WDFY2: variants seen among roughly 807,000 people sequenced by gnomAD.
The protein encoded by WDFY2 is WD repeat and FYVE domain-containing protein 2.
WDFY2 carries 36 observed loss-of-function variants against 56.4 expected under a neutral mutation model. The ratio of observed to expected loss-of-function variants is 0.64; its 90% confidence interval spans 0.49 to 0.84. The LOEUF (loss-of-function observed/expected upper bound fraction) is 0.84, where lower values mean the gene tolerates loss of function less well. Ranked by LOEUF, WDFY2 falls within the 40% of genes least tolerant of loss-of-function variation. WDFY2 has a pLI of 0.00. For synonymous variants in WDFY2, 176 were observed against 183.7 expected (o/e 0.96, Z 0.34); for missense variants, 444 against 512.2 (o/e 0.87, Z 1.29).
chr13:51,701,539 A>G (rs527434034), intron 3 of WDFY2, among the ~76,000 whole-genome samples: 4 of 150,630 alleles, frequency 2.7e-5, no homozygotes, highest in Admixed American at 1.3e-4. Context: ...AAAAAAAAAA[A>G]GTAATAACAA....
chr13:51,627,310 G>A (rs1375942075), intron 1 of WDFY2, among the ~76,000 whole-genome samples: 1 of 152,142 alleles, frequency 6.6e-6, no homozygotes, highest in South Asian at 2.1e-4. Flanking sequence ...AGGGGGACAT[G>A]TTTCAGCCCT....
intron 2 of WDFY2, among the ~76,000 whole-genome samples, chr13:51,661,907 G>A (rs569418080): frequency 6.6e-6 from 1 of 152,074 alleles, no homozygotes; most frequent in Admixed American, 6.5e-5. Context: ...CGGTGATGAG[G>A]GTTTAGATAA....
intron 3 of WDFY2, among the ~76,000 whole-genome samples, chr13:51,684,425 G>A (rs1403700560): frequency 1.3e-5 from 2 of 149,566 alleles, no homozygotes; most frequent in African/African-American, 2.5e-5. Flanking sequence ...TTTTTCTGTT[G>A]GTTCTTCTTT....
chr13:51,727,658 C>T lies in WDFY2; in HGVS notation c.486-20C>T, dbSNP rs1952633379. 6.2e-7 allele frequency: 1 copy of T among 1,606,194 alleles called. No homozygotes were observed. Among genetic ancestry groups the T allele is most frequent in the Non-Finnish European group, 8.5e-7 (1 of 1,175,252 alleles). ...CCCTCATTTAATTTTGAGAAACAAT[C>T]CTTAATGCTTTCATGACAGATTTGA... On this transcript the variant is annotated intron_variant, in intron 5 of 11. Transcript: ENST00000298125.
chr13:51,711,160 A>G (rs1952205529), intron 4 of WDFY2, among the ~76,000 whole-genome samples: 2 of 152,222 alleles, frequency 1.3e-5, no homozygotes, highest in Non-Finnish European at 2.9e-5. Flanking sequence ...CTGATCTTTG[A>G]CAAACCTGAC....
intron 3 of WDFY2, among the ~76,000 whole-genome samples, chr13:51,690,483 A>G (rs978686715): frequency 3.2e-4 from 48 of 151,860 alleles, no homozygotes; most frequent in African/African-American, 1.1e-3. Context: ...ACTGAGAATA[A>G]TGATTTCCAA....
chr13:51,700,026 GCT>G (rs1294464075), intron 3 of WDFY2, among the ~76,000 whole-genome samples: 1 of 152,146 alleles, frequency 6.6e-6, no homozygotes, highest in African/African-American at 2.4e-5. Flanking sequence ...GGAAAATAGT[GCT>G]CTGCTGTATT....
At chr13:51,669,678 A>G (rs1955773694) in intron 2 of WDFY2, among the ~76,000 whole-genome samples, 1 of 152,180 alleles carries the variant, frequency 6.6e-6, no homozygotes, top group Non-Finnish European at 1.5e-5. Context: ...GTTGGGGAAA[A>G]TATAGGAAGC....
intron 3 of WDFY2, among the ~76,000 whole-genome samples, chr13:51,696,717 C>T: frequency 6.6e-6 from 1 of 151,842 alleles, no homozygotes; most frequent in African/African-American, 2.4e-5. Flanking sequence ...GTAAGTAAAG[C>T]CTTAAAAAAG....
rs552044769 is a variant in WDFY2, at chr13:51,687,698, G to C, written c.279+12455G>C. On this transcript the variant is annotated intron_variant, in intron 3 of 11. Transcript: ENST00000298125. ...ATATTGTATATTAGGAACGATGCTG[G>C]ACATGTTGGGGAGACATGTTAGGAA... 7.2e-5 allele frequency among the ~76,000 whole-genome samples: 11 copies of C among 152,070 alleles called. No individual in the cohort carries two copies. The South Asian group carries it at 2.1e-3, about 29-fold the overall frequency.
chr13:51,698,821 AAAACATTTCAGT>A (rs1212963465), intron 3 of WDFY2, among the ~76,000 whole-genome samples: 1 of 152,266 alleles, frequency 6.6e-6, no homozygotes, highest in Non-Finnish European at 1.5e-5. Context: ...TAAAAAAAAT[AAAACATTTCAGT>A]ACTACGAAAG....
Position 51,756,379 on chromosome 13 carries a change from C to G in WDFY2, c.981C>G (p.Ser327=). Residue 327 remains serine (S), a synonymous_variant, in exon 10 of 12, where the codon TCC becomes TCG. Transcript: ENST00000298125. ...AGGCCGTCTGTGGCAAGTGCAGCTC[C>G]AAGCGCTCCTCCATCCCCCTGATGG... ...CGKAVCGKCS[S]KRSSIPLMGF... 2 of 1,614,154 alleles carry G rather than the reference C, an allele frequency of 1.2e-6. No individual in the cohort carries two copies. The highest frequency in any genetic ancestry group is 2.7e-5 in the African/African-American group (2 of 75,042).
At chr13:51,629,982 T>A (rs1392402724) in intron 1 of WDFY2, among the ~76,000 whole-genome samples, 3 of 152,112 alleles carry the variant, frequency 2.0e-5, no homozygotes, top group Non-Finnish European at 4.4e-5. Context: ...CCTAACTACT[T>A]CTTCTTTGAT....
intron 3 of WDFY2, among the ~76,000 whole-genome samples, chr13:51,695,485 T>C (rs1951848806): frequency 6.6e-6 from 1 of 152,230 alleles, no homozygotes; most frequent in South Asian, 2.1e-4. Context: ...CAGCGATGGC[T>C]GGAGAACAGC....
intron 1 of WDFY2, chr13:51,589,037 C>G (rs2138281811): frequency 6.6e-6 from 1 of 152,270 alleles, no homozygotes; most frequent in East Asian, 1.9e-4. Context: ...GCTGTGTTCT[C>G]TCTAAGTCCT....
intron 3 of WDFY2, among the ~76,000 whole-genome samples, chr13:51,683,385 T>A (rs1191466110): frequency 6.6e-6 from 1 of 152,250 alleles, no homozygotes; most frequent in Non-Finnish European, 1.5e-5. Flanking sequence ...ATTCTCTGTA[T>A]ACACAAATAT....
At chr13:51,610,381 A>G (rs892582609) in intron 1 of WDFY2, among the ~76,000 whole-genome samples, 2 of 152,078 alleles carry the variant, frequency 1.3e-5, no homozygotes, top group African/African-American at 2.4e-5. Context: ...TGAGTATTAC[A>G]TATTTATAGT....
intron 1 of WDFY2, among the ~76,000 whole-genome samples, chr13:51,630,553 G>A (rs188501548): frequency 4.6e-5 from 7 of 151,522 alleles, no homozygotes; most frequent in Admixed American, 1.3e-4. Flanking sequence ...TATACGTGTG[G>A]CACTTTTGCA....
At chr13:51,747,186 G>T (rs1425367370) in intron 7 of WDFY2, among the ~76,000 whole-genome samples, 1 of 152,258 alleles carries the variant, frequency 6.6e-6, no homozygotes, top group Non-Finnish European at 1.5e-5. Context: ...ATTATCTACA[G>T]ATTATAGAGA....
Sources: allele counts gnomAD v4.1 joint callset (sites outside exome capture counted in the v4.1 genomes callset), GRCh38; gene constraint gnomAD v4.1.1; transcripts MANE v1.5; gene names NCBI Gene and HGNC (gene_info 2026-07-23, HGNC 2026-07-21).